RNF150: variants seen among roughly 807,000 people sequenced by gnomAD.
RNF150 encodes the protein ring finger protein 150.
RNF150 carries 24 observed loss-of-function variants against 39.3 expected under a neutral mutation model. The observed-to-expected ratio is 0.61, with a 90% CI of 0.44 to 0.86. The LOEUF is 0.86. Ranked by LOEUF, RNF150 falls within the 40% of genes least tolerant of loss-of-function variation. The probability of loss-of-function intolerance (pLI) is 0.00; values close to 1 mark genes in which losing one functional copy is unlikely to be tolerated. For synonymous variants in RNF150, 255 were observed against 227.3 expected, an observed-to-expected ratio of 1.12 and a Z score of -1.10; for missense variants, 502 against 587.8, an observed-to-expected ratio of 0.85 and a Z score of 1.51.
At chr4:141,204,082 T>C (rs1474239749) in intron 1 of RNF150, among the ~76,000 whole-genome samples, 1 of 152,104 alleles carries the variant, frequency 6.6e-6, no homozygotes, top group Non-Finnish European at 1.5e-5. Flanking sequence ...AATTTCCTGG[T>C]TTTAAAGGAA....
chr4:140,866,667 A>C lies in RNF150; in HGVS notation c.*1594T>G, dbSNP rs1157047425. ...AGCAGAACCAAACTCTTTTTGAATGAGTATTAGTCTAATGAGGTGGAAAAG... is the reference window on the plus strand; with the variant it reads ...AGCAGAACCAAACTCTTTTTGAATGCGTATTAGTCTAATGAGGTGGAAAAG... On this transcript the variant is annotated 3_prime_UTR_variant, in exon 7 of 7. Coordinates refer to ENST00000515673, the MANE Select transcript of RNF150 (RefSeq NM_020724.2). 1 of 152,194 alleles carries C rather than the reference A, an allele frequency of 6.6e-6. No homozygotes were observed. Among genetic ancestry groups the C allele is most frequent in the African/African-American group, 2.4e-5 (1 of 41,454 alleles). 9.4% of individuals were successfully genotyped at this position (152,194 alleles called of 1,614,324 possible).
intron 1 of RNF150, among the ~76,000 whole-genome samples, chr4:141,127,365 C>T (rs1481174769): frequency 1.3e-5 from 2 of 152,098 alleles, no homozygotes; most frequent in South Asian, 2.1e-4. Flanking sequence ...AAAGAGAGAG[C>T]TAATCTTATC....
chr4:140,975,318 G>C (rs959536746), intron 1 of RNF150, among the ~76,000 whole-genome samples: 4 of 152,128 alleles, frequency 2.6e-5, no homozygotes, highest in African/African-American at 9.7e-5. Flanking sequence ...TATACGAAAG[G>C]CAACTTTTTG....
chr4:141,008,045 T>A (rs1013339223), intron 1 of RNF150, among the ~76,000 whole-genome samples: 8 of 152,198 alleles, frequency 5.3e-5, no homozygotes, highest in Non-Finnish European at 7.3e-5. Context: ...TGCTCAGCAA[T>A]CCTGGCTGGA....
At chr4:141,117,352 TA>T (rs1739582568) in intron 1 of RNF150, among the ~76,000 whole-genome samples, 1 of 152,178 alleles carries the variant, frequency 6.6e-6, no homozygotes, top group South Asian at 2.1e-4. Context: ...GACAGTGTAT[TA>T]GGCCCTATTT....
intron 1 of RNF150, among the ~76,000 whole-genome samples, chr4:141,021,364 G>T (rs1024836703): frequency 1.3e-5 from 2 of 152,170 alleles, no homozygotes; most frequent in Non-Finnish European, 2.9e-5. Flanking sequence ...GAGAATCTTT[G>T]TCAGTTGTAC....
intron 6 of RNF150, among the ~76,000 whole-genome samples, chr4:140,882,365 G>C (rs547329542): frequency 3.8e-4 from 58 of 152,226 alleles, no homozygotes; most frequent in African/African-American, 1.4e-3. Flanking sequence ...ATCTATCCTT[G>C]AGAATGTTTC....
intron 1 of RNF150, among the ~76,000 whole-genome samples, chr4:141,140,826 A>G (rs888811213): frequency 2.0e-5 from 3 of 152,206 alleles, no homozygotes; most frequent in African/African-American, 7.2e-5. Flanking sequence ...TTTCATAAAT[A>G]CTTTCCCTTT....
chr4:141,111,324 A>G lies in RNF150; in HGVS notation c.484+21001T>C, dbSNP rs1227023904. On this transcript the variant is annotated intron_variant, in intron 1 of 6. Coordinates refer to ENST00000515673, the MANE Select transcript of RNF150 (RefSeq NM_020724.2). The stretch of plus-strand genomic sequence containing the variant: ...ACAATTAATTCATTATTTTTAACCA[A>G]TAAAGTGGCTAAACTTGGTTAGCTC... Among the ~76,000 whole-genome samples the G allele has an allele frequency of 2.6e-5, 4 of 152,322 alleles. No individual in the cohort carries two copies. In the South Asian group the frequency reaches 8.3e-4, roughly 32 times the overall value.
chr4:141,011,667 A>G (rs963592725), intron 1 of RNF150, among the ~76,000 whole-genome samples: 12 of 152,216 alleles, frequency 7.9e-5, no homozygotes, highest in African/African-American at 2.9e-4. Flanking sequence ...GAAACCATTT[A>G]TGTAAAAAAA....
intron 1 of RNF150, among the ~76,000 whole-genome samples, chr4:140,978,511 G>T (rs1733746706): frequency 6.6e-6 from 1 of 152,208 alleles, no homozygotes; most frequent in African/African-American, 2.4e-5. Flanking sequence ...CAAGTGTATA[G>T]AATTATTTAT....
At chr4:141,010,912 G>C (rs1419066608) in intron 1 of RNF150, among the ~76,000 whole-genome samples, 4 of 152,050 alleles carry the variant, frequency 2.6e-5, no homozygotes, top group African/African-American at 9.7e-5. Context: ...AAGAAGACCA[G>C]AACAAGGTTT....
At chr4:141,071,014 A>T (rs1489191071) in intron 1 of RNF150, among the ~76,000 whole-genome samples, 1 of 128,592 alleles carries the variant, frequency 7.8e-6, no homozygotes, top group African/African-American at 2.9e-5. Flanking sequence ...TGGATTAAGA[A>T]AATGTGGCAC....
chr4:141,117,869 G>C (rs1216430323), intron 1 of RNF150, among the ~76,000 whole-genome samples: 1 of 152,186 alleles, frequency 6.6e-6, no homozygotes, highest in Non-Finnish European at 1.5e-5. Flanking sequence ...AGTGAATAAG[G>C]TGATGAATTT....
At chr4:141,032,161 T>TA (rs374746403) in intron 1 of RNF150, among the ~76,000 whole-genome samples, 19 of 151,710 alleles carry the variant, frequency 1.3e-4, no homozygotes, top group African/African-American at 4.4e-4. Context: ...CTGGAAGACA[T>TA]AACACTAAGT....
At chr4:140,923,034 C>T (rs2111312450) in intron 5 of RNF150, among the ~76,000 whole-genome samples, 1 of 150,760 alleles carries the variant, frequency 6.6e-6, no homozygotes, top group South Asian at 2.1e-4. Context: ...AAAACCTAGG[C>T]AATACCATTC....
chr4:140,911,239 G>C lies in RNF150; in HGVS notation c.1103C>G (p.Thr368Ser), dbSNP rs1235844758. The C allele has an allele frequency of 6.2e-7, 1 of 1,614,152 alleles. No individual in the cohort carries two copies. The highest frequency in any genetic ancestry group is 1.1e-5 in the South Asian group (1 of 91,074). ...CACAGTCCGGACAGCAGGGTCCAAA[G>C]TGACTGAACTTTCATTCACTGTTGT... The part of the protein sequence containing the change: ...SDTTVNESSV[T>S]LDPAVRTVGA... Residue 368 changes from threonine (T) to serine (S), a missense_variant, in exon 6 of 7, where the codon ACT (threonine) becomes AGT (serine). Transcript: ENST00000515673.
chr4:141,180,952 T>G (rs1578784014), intron 1 of RNF150, among the ~76,000 whole-genome samples: 1 of 152,314 alleles, frequency 6.6e-6, no homozygotes, highest in East Asian at 1.9e-4. Flanking sequence ...TTTGGGATAT[T>G]CAAGGGAATC....
At chr4:140,955,613 A>G (rs1732718158) in intron 2 of RNF150, among the ~76,000 whole-genome samples, 1 of 152,178 alleles carries the variant, frequency 6.6e-6, no homozygotes, top group South Asian at 2.1e-4. Flanking sequence ...TCAAGGGCTA[A>G]TTACCTCACT....
Sources: allele counts gnomAD v4.1 joint callset (sites outside exome capture counted in the v4.1 genomes callset), GRCh38; gene constraint gnomAD v4.1.1; transcripts MANE v1.5; gene names NCBI Gene and HGNC (gene_info 2026-07-23, HGNC 2026-07-21).